FAH: variants seen among roughly 807,000 people sequenced by gnomAD.
FAH encodes fumarylacetoacetase.
In FAH, 47 loss-of-function variants were observed where a neutral mutation model predicts 55.8. That is an observed-to-expected ratio of 0.84 (90% CI 0.67 to 1.07). FAH has a LOEUF of 1.07. Ranked by LOEUF, FAH falls within the 50% of genes least tolerant of loss-of-function variation. The probability of loss-of-function intolerance (pLI) is 0.00; values close to 1 mark genes in which losing one functional copy is unlikely to be tolerated. For missense variants in FAH, 495 were observed against 545.9 expected, an observed-to-expected ratio of 0.91 and a Z score of 0.93; for synonymous variants, 199 against 207.7, an observed-to-expected ratio of 0.96 and a Z score of 0.36.
At position 80,173,128 on chromosome 15, in the gene FAH, T is replaced by C. The variant is rs1256571534; in HGVS notation, c.821T>C (p.Val274Ala). ...VPMDALMPFA[V>A]PNPKQDPRPL... ...ATGGATGCTCTCATGCCCTTTGCTGTGCCCAACCCGAAGCAGGTAAGCACA... is the reference window on the plus strand; with the variant it reads ...ATGGATGCTCTCATGCCCTTTGCTGCGCCCAACCCGAAGCAGGTAAGCACA... Residue 274 changes from valine (V) to alanine (A), a missense_variant, in exon 9 of 14, where the codon GTG becomes GCG. By Grantham distance (64) the Val-to-Ala change is moderately conservative. Transcript: ENST00000561421. 1 of 1,614,230 alleles carries C rather than the reference T, an allele frequency of 6.2e-7. No individual in the cohort carries two copies. The highest frequency in any genetic ancestry group is 1.1e-5 in the South Asian group (1 of 91,092).
rs1246615226 is a variant in FAH at position 80,162,329 on chromosome 15, C to A, written c.448C>A (p.Pro150Thr). The change falls in exon 5 of 14, where the codon CCA becomes ACA. Residue 150 changes from proline to threonine, a missense_variant. Pro to Thr is a conservative substitution (Grantham distance 38). Coordinates refer to ENST00000561421, the MANE Select transcript of FAH (RefSeq NM_000137.4). ...CAGGGACAAGGAGAATGCGTTGATG[C>A]CAAATTGGTATGAACTGGGCCAAAT... ...MFRDKENALM[P>T]NWLHLPVGYH... 6.2e-7 allele frequency: 1 copy of A among 1,613,190 alleles called. No individual in the cohort carries two copies. Among genetic ancestry groups the A allele is most frequent in the African/African-American group, 1.3e-5 (1 of 75,044 alleles).
At chr15:80,160,555 C>T (rs746944960) in intron 4 of FAH, 96 bp downstream of exon 4, 13 of 1,192,302 alleles carry the variant, frequency 1.1e-5, no homozygotes, top group Non-Finnish European at 1.4e-5. Context: ...GTGGAGGGTC[C>T]CTGCTGGTGG....
intron 10 of FAH, among the ~76,000 whole-genome samples, chr15:80,177,046 G>C (rs1430081413): frequency 6.6e-6 from 1 of 152,228 alleles, no homozygotes; most frequent in Non-Finnish European, 1.5e-5. Flanking sequence ...CCGGTACCTT[G>C]CATGTAGTAG....
At chr15:80,156,111 C>G in intron 1 of FAH, 1 of 273,192 alleles carries the variant, frequency 3.7e-6, no homozygotes. Context: ...AAGGGAGACT[C>G]CCTTTTGCGG....
intron 5 of FAH, chr15:80,163,108 C>T (rs1410044827): frequency 6.6e-6 from 1 of 152,602 alleles, no homozygotes; most frequent in African/African-American, 2.4e-5. Context: ...TAGGCTATGC[C>T]ATGAGGGGAG....
chr15:80,159,674 G>A (rs1287600439), intron 2 of FAH, 82 bp from the exon 3 acceptor site: 10 of 1,558,224 alleles, frequency 6.4e-6, no homozygotes, highest in Admixed American at 3.3e-5. Flanking sequence ...GGGCTGGCAG[G>A]CTGGCTGGCC....
chr15:80,160,253 C>G (rs1032402021), intron 3 of FAH, 157 bp from the exon 4 acceptor site: 13 of 765,342 alleles, frequency 1.7e-5, no homozygotes, highest in Non-Finnish European at 3.0e-5. Flanking sequence ...GATGTCCTCT[C>G]AGCTGTGAAA....
At chr15:80,172,277 G>C (rs757358915) in intron 8 of FAH, 29 bp downstream of exon 8, 3 of 1,519,480 alleles carry the variant, frequency 2.0e-6, no homozygotes, top group African/African-American at 2.7e-5. Context: ...CTCCTGTAGA[G>C]ATGACGGGGA....
chr15:80,180,492 G>C (rs575522604), intron 12 of FAH, among the ~76,000 whole-genome samples: 1 of 152,296 alleles, frequency 6.6e-6, no homozygotes, highest in African/African-American at 2.4e-5. Flanking sequence ...GAGGAGTCAG[G>C]AGACAGTGAT....
In FAH at chr15:80,168,287, T is replaced by C; in HGVS notation, c.577T>C (p.Cys193Arg). Residue 193 changes from cysteine to arginine, a missense_variant, in exon 7 of 14, where the codon TGC (cysteine) becomes CGC (arginine). Cys to Arg is a radical substitution (Grantham distance 180, BLOSUM62 -3). Transcript: ENST00000561421. ...AGCTAAGCCTCCCGTATATGGTGCCTGCAAGCTCTTGGACATGGAGCTGGA... is the reference window on the plus strand; with the variant it reads ...AGCTAAGCCTCCCGTATATGGTGCCCGCAAGCTCTTGGACATGGAGCTGGA... ...DDSKPPVYGA[C>R]KLLDMELEMA... The C allele has an allele frequency of 2.5e-6, 4 of 1,610,172 alleles. No individual in the cohort carries two copies. The highest frequency in any genetic ancestry group is 3.4e-6 in the Non-Finnish European group (4 of 1,178,798).
At chr15:80,154,649 A>G (rs1381216750) in intron 1 of FAH, among the ~76,000 whole-genome samples, 1 of 152,204 alleles carries the variant, frequency 6.6e-6, no homozygotes, top group Non-Finnish European at 1.5e-5. Flanking sequence ...CCCTTCCCCC[A>G]TGTCAGCAGT....
intron 9 of FAH, 26 bp from the exon 10 acceptor site, chr15:80,174,990 C>T (rs2041270283): frequency 6.2e-7 from 1 of 1,611,378 alleles, no homozygotes; most frequent in Non-Finnish European, 8.5e-7. Flanking sequence ...TGCCAGTGAC[C>T]TCTGTGCTGT....
chr15:80,164,703 T>C lies in FAH; in HGVS notation c.455+2367T>C, dbSNP rs549156470. Among the ~76,000 whole-genome samples the C allele has an allele frequency of 1.4e-3, 215 of 152,336 alleles. 1 individual carries two copies. Among genetic ancestry groups the C allele is most frequent in the African/African-American group, 4.9e-3 (203 of 41,578 alleles). On this transcript the variant is annotated intron_variant, in intron 5 of 13. Coordinates refer to ENST00000561421, the MANE Select transcript of FAH (RefSeq NM_000137.4). ...AGAGATTACTAACTCCTTTTTTTCA[T>C]CTGAATTGTTTGAATTATTACATGC...
chr15:80,155,550 C>T (rs1459505008), intron 1 of FAH, among the ~76,000 whole-genome samples: 3 of 152,078 alleles, frequency 2.0e-5, no homozygotes, highest in South Asian at 2.1e-4. Context: ...CGGGGCTTAG[C>T]GGGTTTTCTC....
At chr15:80,165,459 C>T (rs751078247) in intron 5 of FAH, among the ~76,000 whole-genome samples, 6 of 147,914 alleles carry the variant, frequency 4.1e-5, no homozygotes, top group South Asian at 4.3e-4. Flanking sequence ...ACCTGGGAGG[C>T]GGAGGTTGCA....
Position 80,155,474 on chromosome 15 carries a change from G to C in FAH, c.81+2339G>C, listed in dbSNP as rs79712529. On this transcript the variant is annotated intron_variant, in intron 1 of 13. Coordinates refer to ENST00000561421, the MANE Select transcript of FAH (RefSeq NM_000137.4). ...CATCATGCTCCAGATCTCACAGCCA[G>C]TAAGAGGCAGATATGGGGTTGATCC... 6.0e-3 allele frequency among the ~76,000 whole-genome samples: 908 copies of C among 152,334 alleles called. 11 individuals carry two copies. Among genetic ancestry groups the C allele is most frequent in the African/African-American group, 0.019 (810 of 41,564 alleles).
rs147796599 is a variant in FAH at position 80,186,154 on chromosome 15, G to T, written c.1205G>T (p.Arg402Leu). The T allele has an allele frequency of 1.2e-6, 2 of 1,613,932 alleles. No individual in the cohort carries two copies. Among genetic ancestry groups the T allele is most frequent in the Non-Finnish European group, 1.7e-6 (2 of 1,179,902 alleles). The change falls in exon 14 of 14, where the codon CGC becomes CTC. Residue 402 changes from arginine to leucine, a missense_variant. Physicochemically the swap from Arg to Leu is moderately radical, Grantham distance 102. Coordinates refer to ENST00000561421, the MANE Select transcript of FAH (RefSeq NM_000137.4). ...GGGTACTGCCAGGGGGATGGTTACC[G>T]CATCGGCTTTGGCCAGTGTGCTGGA... ...ITGYCQGDGY[R>L]IGFGQCAGKV...
upstream of FAH, chr15:80,152,919 G>C: frequency 1.3e-5 from 9 of 713,354 alleles, no homozygotes; most frequent in Middle Eastern, 7.3e-4. Flanking sequence ...GGAGCCTCCG[G>C]GGTCCCTGCT....
At chr15:80,181,409 AT>A (rs2041330287) in intron 13 of FAH, among the ~76,000 whole-genome samples, 2 of 152,160 alleles carry the variant, frequency 1.3e-5, no homozygotes. Flanking sequence ...GAGCATAGTT[AT>A]AAAATACTGG....
Sources: gnomAD v4.1 joint callset for allele counts (sites outside exome capture counted in the v4.1 genomes callset) on GRCh38, gnomAD v4.1.1 for gene constraint, MANE v1.5 for transcripts, NCBI Gene and HGNC (gene_info 2026-07-23, HGNC 2026-07-21) for gene names.